The following WLS variants were observed in gnomAD, a reference collection of about 807,000 sequenced individuals.
The protein encoded by WLS is Wnt ligand secretion mediator, also known as protein wntless homolog.
WLS carries 23 observed loss-of-function variants against 62.8 expected under a neutral mutation model. That is an observed-to-expected ratio of 0.37 (90% confidence interval 0.26 to 0.52). The LOEUF (loss-of-function observed/expected upper bound fraction) is 0.52, where lower values mean the gene tolerates loss of function less well. Ranked by LOEUF, WLS falls within the 20% of genes least tolerant of loss-of-function variation. The probability of loss-of-function intolerance (pLI) is 0.92; values close to 1 mark genes in which losing one functional copy is unlikely to be tolerated. For missense variants in WLS, 615 were observed against 697.3 expected, an observed-to-expected ratio of 0.88 and a Z score of 1.33; for synonymous variants, 246 against 244.1, an observed-to-expected ratio of 1.01 and a Z score of -0.07.
chr1:68,194,314 C>T, intron 1 of WLS, 87 bp from the exon 2 acceptor site: 1 of 1,488,384 alleles, frequency 6.7e-7, no homozygotes, highest in East Asian at 2.3e-5. Flanking sequence ...GCTGTGTTCC[C>T]TCCAGCTTTT....
intron 2 of WLS, among the ~76,000 whole-genome samples, chr1:68,170,156 A>AT (rs1251364873): frequency 9.8e-6 from 1 of 102,504 alleles, no homozygotes; most frequent in African/African-American, 3.8e-5. Flanking sequence ...GCTGGCTACT[A>AT]TTTCTTTTTT....
intron 2 of WLS, among the ~76,000 whole-genome samples, chr1:68,175,092 G>A (rs1237910264): frequency 6.6e-6 from 1 of 152,160 alleles, no homozygotes; most frequent in Non-Finnish European, 1.5e-5. Context: ...CTACTGGCCT[G>A]TTCTCCCTCC....
intron 1 of WLS, among the ~76,000 whole-genome samples, chr1:68,227,942 G>A (rs751909825): frequency 6.6e-6 from 1 of 152,164 alleles, no homozygotes; most frequent in Non-Finnish European, 1.5e-5. Flanking sequence ...AACAACAGCA[G>A]CAGAAACAAA....
rs1649897550 is a variant in WLS at position 68,220,505 on chromosome 1, T to C, written c.106+11689A>G. On this transcript the variant is annotated intron_variant, in intron 1 of 11. Transcript: ENST00000262348. Reference sequence around the variant, plus strand: ...GAAACTGAGGCTCACAGAATTTAAATGGTTAGTCTAGGTTACAAAGCAAGT... The same window carrying C: ...GAAACTGAGGCTCACAGAATTTAAACGGTTAGTCTAGGTTACAAAGCAAGT... Among the ~76,000 whole-genome samples, 2 of 152,352 alleles carry C rather than the reference T, an allele frequency of 1.3e-5. 1 individual carries two copies. Among genetic ancestry groups the C allele is most frequent in the South Asian group, 4.1e-4 (2 of 4,826 alleles).
chr1:68,151,716 C>A (rs1265126965), intron 5 of WLS, among the ~76,000 whole-genome samples: 2 of 151,818 alleles, frequency 1.3e-5, no homozygotes, highest in African/African-American at 4.8e-5. Flanking sequence ...GGTTTGAGCA[C>A]AATAAAGGGG....
At chr1:68,119,226 T>C (rs1304117971) in intron 11 of WLS, among the ~76,000 whole-genome samples, 3 of 152,206 alleles carry the variant, frequency 2.0e-5, no homozygotes, top group Admixed American at 1.3e-4. Context: ...TGTCCAGAAA[T>C]TTATTTTCTA....
At chr1:68,221,835 A>G (rs1048287480) in intron 1 of WLS, among the ~76,000 whole-genome samples, 1 of 152,238 alleles carries the variant, frequency 6.6e-6, no homozygotes, top group African/African-American at 2.4e-5. Context: ...AAGAATTTAC[A>G]GTATAATACT....
exon 12 of WLS, chr1:68,098,635 A>T (rs749025614): frequency 6.2e-7 from 1 of 1,613,784 alleles, no homozygotes; most frequent in Non-Finnish European, 8.5e-7. Context: ...TGTTGACTCA[A>T]ATACCAGAAG....
intron 1 of WLS, among the ~76,000 whole-genome samples, chr1:68,218,452 T>C (rs757320340): frequency 7.9e-5 from 12 of 152,130 alleles, no homozygotes; most frequent in Non-Finnish European, 1.8e-4. Flanking sequence ...AGACCTTTTA[T>C]GCCAGCCTCC....
intron 5 of WLS, among the ~76,000 whole-genome samples, chr1:68,152,893 G>A (rs1471676735): frequency 6.6e-6 from 1 of 152,136 alleles, no homozygotes; most frequent in African/African-American, 2.4e-5. Flanking sequence ...TAAGTGAGAG[G>A]AGCTGGGCTT....
At chr1:68,149,079 A>C (rs535902531) in intron 6 of WLS, among the ~76,000 whole-genome samples, 33 of 152,374 alleles carry the variant, frequency 2.2e-4, no homozygotes, top group African/African-American at 7.7e-4. Flanking sequence ...AAATATGTAA[A>C]GTGTGTCTAT....
At chr1:68,209,777 G>A (rs1384530293) in intron 1 of WLS, among the ~76,000 whole-genome samples, 8 of 149,436 alleles carry the variant, frequency 5.4e-5, no homozygotes, top group Admixed American at 1.3e-4. Flanking sequence ...ATGAAACTCC[G>A]TTTCAAAAAA....
At chr1:68,128,669 C>A (rs1466198508) in intron 11 of WLS, among the ~76,000 whole-genome samples, 1 of 152,216 alleles carries the variant, frequency 6.6e-6, no homozygotes, top group Non-Finnish European at 1.5e-5. Context: ...CTTGAAAAAA[C>A]AGCCAAAATT....
intron 11 of WLS, among the ~76,000 whole-genome samples, chr1:68,109,630 G>T (rs1052055403): frequency 6.6e-6 from 1 of 151,934 alleles, no homozygotes; most frequent in Non-Finnish European, 1.5e-5. Context: ...AACAGCAGAG[G>T]AAAGAATTAG....
intron 11 of WLS, among the ~76,000 whole-genome samples, chr1:68,119,578 G>T (rs1027734235): frequency 1.3e-5 from 2 of 152,196 alleles, no homozygotes; most frequent in African/African-American, 4.8e-5. Flanking sequence ...CAGCCCCAGG[G>T]GACAACTCTG....
intron 2 of WLS, among the ~76,000 whole-genome samples, chr1:68,180,236 C>G (rs926884692): frequency 6.6e-6 from 1 of 151,840 alleles, no homozygotes; most frequent in Non-Finnish European, 1.5e-5. Context: ...TTTTCATCAG[C>G]AAACAACTTC....
Position 68,197,747 on chromosome 1 carries a change from G to T in WLS, c.107-3520C>A, listed in dbSNP as rs61771353. On this transcript the variant is annotated intron_variant, in intron 1 of 11. Transcript: ENST00000262348. ...CCTACCATAGAATGTGTTTTCATTAGCTATAGTCAAAATTTTAGCTACATG... is the reference window on the plus strand; with the variant it reads ...CCTACCATAGAATGTGTTTTCATTATCTATAGTCAAAATTTTAGCTACATG... 2.7e-3 allele frequency among the ~76,000 whole-genome samples: 411 copies of T among 152,244 alleles called. 3 individuals carry two copies. Among genetic ancestry groups the T allele is most frequent in the Non-Finnish European group, 5.2e-3 (354 of 67,992 alleles).
At chr1:68,137,974 G>A in intron 10 of WLS, 41 bp from the exon 11 acceptor site, 1 of 1,607,188 alleles carries the variant, frequency 6.2e-7, no homozygotes, top group East Asian at 2.2e-5. Context: ...AAACAGAGAA[G>A]AAACAGAAGA....
chr1:68,170,166 T>TTCTTTTC (rs1290583071), intron 2 of WLS, among the ~76,000 whole-genome samples: 1 of 136,940 alleles, frequency 7.3e-6, no homozygotes, highest in African/African-American at 2.7e-5. Context: ...ATTTCTTTTT[T>TTCTTTTC]TTTTTTTTTT....
Sources: allele counts gnomAD v4.1 joint callset (sites outside exome capture counted in the v4.1 genomes callset), GRCh38; gene constraint gnomAD v4.1.1; transcripts MANE v1.5; gene names NCBI Gene and HGNC (gene_info 2026-07-23, HGNC 2026-07-21).